The following SLC35D1 variants were observed in gnomAD, a reference collection of about 807,000 sequenced individuals.
SLC35D1 encodes nucleotide sugar transporter SLC35D1.
SLC35D1 carries 31 observed loss-of-function variants against 46.7 expected under a neutral mutation model. The observed-to-expected ratio is 0.66, with a 90% CI of 0.50 to 0.90. The LOEUF (loss-of-function observed/expected upper bound fraction) is 0.90. Ranked by LOEUF, SLC35D1 falls within the 40% of genes least tolerant of loss-of-function variation. The pLI, the probability that SLC35D1 is intolerant of heterozygous loss-of-function variation, is 0.00. For missense variants in SLC35D1, 397 were observed against 426.2 expected (o/e 0.93, Z 0.60); for synonymous variants, 195 against 164.6 (o/e 1.18, Z -1.41).
chr1:67,049,792 CA>C lies in SLC35D1; in HGVS notation c.522del (p.Phe174LeufsTer2). The C allele has an allele frequency of 6.2e-7, 1 of 1,613,736 alleles. No individual in the cohort carries two copies. The highest frequency in any genetic ancestry group is 8.5e-7 in the Non-Finnish European group (1 of 1,179,770). On this transcript the variant is annotated frameshift_variant, in exon 6 of 12. Transcript: ENST00000235345. LOFTEE classifies it high-confidence loss of function. Reference protein sequence around the residue: ...MTVFAMIIGAFVAASSDLAFD... With the variant: ...MTVFAMIIGAXVAASSDLAFD... ...AGGCCCACATCTTACCTGGCAGCTA[CA>C]AAGGCTCCAATAATCATTGCAAATA...
At chr1:66,997,600 T>C (rs1213737160), downstream of SLC35D1, among the ~76,000 whole-genome samples, 1 of 144,436 alleles carries the variant, frequency 6.9e-6, no homozygotes, top group Non-Finnish European at 1.5e-5. Flanking sequence ...TATAGAGATG[T>C]ATAAAGATGT....
At position 67,003,005 on chromosome 1, in the gene SLC35D1, T is replaced by C. The variant is rs886730572; in HGVS notation, c.*1335A>G. 1 of 152,380 alleles carries C rather than the reference T, an allele frequency of 6.6e-6. No individual in the cohort carries two copies. The highest frequency in any genetic ancestry group is 1.9e-4 in the East Asian group (1 of 5,340). 9.4% of individuals were successfully genotyped at this position (152,380 alleles called of 1,614,324 possible). A position where few individuals can be genotyped will look rare whatever the true frequency, so the allele number is the denominator to read the frequency against. ...ACAGCTGCTCTCCCAAAATGCAGCA[T>C]TGGTTTTGAGAGAAGTTGGCAAGCT... On this transcript the variant is annotated 3_prime_UTR_variant, in exon 12 of 12. Transcript: ENST00000235345.
the SLC35D1 span, among the ~76,000 whole-genome samples, chr1:66,994,202 G>A: frequency 9.9e-4 from 151 of 152,332 alleles, no homozygotes; most frequent in South Asian, 0.019. Flanking sequence ...TGACGACTCC[G>A]GTGAGATGAT....
At chr1:67,020,634 C>T (rs945870775) in intron 9 of SLC35D1, among the ~76,000 whole-genome samples, 187 bp from the exon 10 acceptor site, 2 of 152,158 alleles carry the variant, frequency 1.3e-5, no homozygotes, top group Non-Finnish European at 2.9e-5. Flanking sequence ...GAAACACATT[C>T]ATCTCCTTAC....
At chr1:67,029,977 G>A (rs998114127) in intron 8 of SLC35D1, among the ~76,000 whole-genome samples, 1 of 150,572 alleles carries the variant, frequency 6.6e-6, no homozygotes, top group Non-Finnish European at 1.5e-5. Context: ...AAGGTCATTT[G>A]AACTGCATGT....
intron 8 of SLC35D1, among the ~76,000 whole-genome samples, chr1:67,032,941 C>T (rs1043866338): frequency 4.6e-5 from 7 of 152,130 alleles, no homozygotes; most frequent in African/African-American, 1.7e-4. Flanking sequence ...CTTTCTATCT[C>T]CATCAGATCA....
intron 10 of SLC35D1, among the ~76,000 whole-genome samples, chr1:67,010,900 T>A (rs530215089): frequency 8.7e-4 from 88 of 101,532 alleles, no homozygotes; most frequent in African/African-American, 2.3e-3. Flanking sequence ...AATTTACATT[T>A]GTAGAAAAAT....
chr1:67,004,280 G>A lies in SLC35D1; in HGVS notation c.*60C>T. On this transcript the variant is annotated 3_prime_UTR_variant, in exon 12 of 12. Coordinates refer to ENST00000235345, the MANE Select transcript of SLC35D1 (RefSeq NM_015139.3). ...ACACCTCAGTGTCTCTGTAGGAACT[G>A]CCAGTGTTCTGAGTTGATTAAAAAC... 1 of 1,373,574 alleles carries A rather than the reference G, an allele frequency of 7.3e-7. No homozygotes were observed. The highest frequency in any genetic ancestry group is 1.0e-6 in the Non-Finnish European group (1 of 961,818). The allele number at this position is 1,373,574 out of a possible 1,614,324, so 85.1% of individuals were successfully genotyped here.
rs539594315 is a variant in SLC35D1, at chr1:67,045,002, T to C, written c.636+2263A>G. Among the ~76,000 whole-genome samples, 8 of 151,970 alleles carry C rather than the reference T, an allele frequency of 5.3e-5. No individual in the cohort carries two copies. In the South Asian group the frequency reaches 8.3e-4, roughly 16 times the overall value. On this transcript the variant is annotated intron_variant, in intron 7 of 11. Transcript: ENST00000235345. ...TGCTTATGGTCACCACAAGCATCAG[T>C]GTAAAGGTGTGCCTCATGTGTACGG...
chr1:66,981,379 T>C, the SLC35D1 span, among the ~76,000 whole-genome samples: 1 of 152,214 alleles, frequency 6.6e-6, no homozygotes, highest in Non-Finnish European at 1.5e-5. Context: ...CAAATTTGTC[T>C]TTTAGGTATC....
At chr1:67,036,618 G>A (rs530162158) in intron 8 of SLC35D1, among the ~76,000 whole-genome samples, 1 of 151,506 alleles carries the variant, frequency 6.6e-6, no homozygotes, top group East Asian at 1.9e-4. Flanking sequence ...GGTCTCCATT[G>A]GCATGTAATA....
intron 8 of SLC35D1, among the ~76,000 whole-genome samples, chr1:67,040,425 C>G (rs1213091498): frequency 2.6e-5 from 4 of 152,164 alleles, no homozygotes; most frequent in Non-Finnish European, 2.9e-5. Context: ...CTGCTTAGAA[C>G]TTAAAAATCT....
rs574418829 is a variant in SLC35D1 at position 67,042,923 on chromosome 1, C to T, written c.637-595G>A. Among the ~76,000 whole-genome samples the T allele has an allele frequency of 6.6e-5, 10 of 152,000 alleles. No individual in the cohort carries two copies. In the South Asian group the frequency reaches 8.3e-4, roughly 13 times the overall value. ...TACAAAAAATACAAAAACAGCCAGG[C>T]GCGGTGGCTCACGCCTGTAATCCCA... is the stretch of plus-strand genomic sequence containing the variant. On this transcript the variant is annotated intron_variant, in intron 7 of 11. Transcript: ENST00000235345.
intron 11 of SLC35D1, 26 bp downstream of exon 11, chr1:67,009,059 C>A: frequency 8.9e-7 from 1 of 1,119,872 alleles, no homozygotes; most frequent in Non-Finnish European, 1.4e-6. Flanking sequence ...TCCGATTTTG[C>A]AATTTAATTA....
intron 10 of SLC35D1, among the ~76,000 whole-genome samples, chr1:67,017,239 A>G (rs2102268039): frequency 6.6e-6 from 1 of 152,290 alleles, no homozygotes. Flanking sequence ...TAATCCTACT[A>G]TGATTTATCT....
the SLC35D1 span, chr1:66,984,795 G>A: frequency 6.2e-7 from 1 of 1,614,010 alleles, no homozygotes. Context: ...CTGCCAAAAG[G>A]CGAAGGGTAA....
intron 7 of SLC35D1, among the ~76,000 whole-genome samples, chr1:67,043,265 C>T (rs571011362): frequency 3.9e-5 from 6 of 151,946 alleles, no homozygotes; most frequent in Admixed American, 3.9e-4. Context: ...ACTGGGGAGG[C>T]TGATGTGGGT....
intron 3 of SLC35D1, among the ~76,000 whole-genome samples, chr1:67,052,457 C>T (rs1018546): frequency 0.041 from 6,271 of 152,044 alleles, 418 homozygotes; most frequent in African/African-American, 0.14. Flanking sequence ...ATAAAATAAG[C>T]CCAAAGAATA....
chr1:67,045,815 T>G (rs1218572268), intron 7 of SLC35D1, among the ~76,000 whole-genome samples: 1 of 152,182 alleles, frequency 6.6e-6, no homozygotes, highest in Non-Finnish European at 1.5e-5. Context: ...GACCAGTTAA[T>G]GGAAAGCAGA....
Sources: gnomAD v4.1 joint callset for allele counts (sites outside exome capture counted in the v4.1 genomes callset) on GRCh38, gnomAD v4.1.1 for gene constraint, MANE v1.5 for transcripts, NCBI Gene and HGNC (gene_info 2026-07-23, HGNC 2026-07-21) for gene names.